Variants in FHL5 observed in about 807,000 individuals in gnomAD.
FHL5 encodes four and a half LIM domains protein 5.
In FHL5, 33 loss-of-function variants were observed where a neutral mutation model predicts 32.0. The ratio of observed to expected loss-of-function variants is 1.03; its 90% CI spans 0.78 to 1.38. The LOEUF is 1.38. FHL5 is among the 40% of genes most tolerant of loss of function. The pLI, the probability that FHL5 is intolerant of heterozygous loss-of-function variation, is 0.00. For missense variants in FHL5, 336 were observed against 343.9 expected, an observed-to-expected ratio of 0.98 and a Z score of 0.18; for synonymous variants, 114 against 113.6, an observed-to-expected ratio of 1.00 and a Z score of -0.02.
chr6:96,594,101 C>A (rs765593223), intron 1 of FHL5, among the ~76,000 whole-genome samples: 37 of 150,598 alleles, frequency 2.5e-4, no homozygotes, highest in Non-Finnish European at 4.9e-4. Context: ...TAAACATAAG[C>A]CCCCACAGGG....
intron 1 of FHL5, among the ~76,000 whole-genome samples, chr6:96,588,101 T>C (rs1156789625): frequency 1.3e-5 from 2 of 152,254 alleles, no homozygotes; most frequent in East Asian, 1.9e-4. Flanking sequence ...TTGAGTCACA[T>C]GAAAGGTATA....
chr6:96,570,145 T>G (rs1770445106), intron 1 of FHL5, among the ~76,000 whole-genome samples: 1 of 152,054 alleles, frequency 6.6e-6, no homozygotes, highest in Non-Finnish European at 1.5e-5. Context: ...CACTTAAGCA[T>G]TTCTGGTAAG....
intron 1 of FHL5, among the ~76,000 whole-genome samples, chr6:96,595,594 C>T (rs1251814493): frequency 6.6e-6 from 1 of 151,776 alleles, no homozygotes; most frequent in African/African-American, 2.4e-5. Context: ...ACTCTATCTT[C>T]TACTTTCTTT....
At chr6:96,590,988 A>G (rs758646643) in intron 1 of FHL5, among the ~76,000 whole-genome samples, 8 of 151,976 alleles carry the variant, frequency 5.3e-5, no homozygotes, top group Non-Finnish European at 1.0e-4. Context: ...GTTGCTTGTT[A>G]TTTGGGTTTG....
intron 1 of FHL5, among the ~76,000 whole-genome samples, chr6:96,593,950 A>G (rs1475799366): frequency 6.6e-6 from 1 of 151,956 alleles, no homozygotes; most frequent in East Asian, 1.9e-4. Context: ...ATTTTGGGGA[A>G]AAATTATTTC....
intron 4 of FHL5, among the ~76,000 whole-genome samples, chr6:96,607,170 T>C (rs1211291239): frequency 6.6e-6 from 1 of 152,164 alleles, no homozygotes; most frequent in African/African-American, 2.4e-5. Flanking sequence ...CCATAAAATA[T>C]ATATGGAGGT....
intron 1 of FHL5, among the ~76,000 whole-genome samples, chr6:96,588,910 C>T (rs1770857598): frequency 6.6e-6 from 1 of 151,332 alleles, no homozygotes; most frequent in Non-Finnish European, 1.5e-5. Flanking sequence ...TTTTCATTTA[C>T]AGTTTGTGTT....
At chr6:96,591,949 G>A (rs1278453769) in intron 1 of FHL5, among the ~76,000 whole-genome samples, 4 of 152,072 alleles carry the variant, frequency 2.6e-5, no homozygotes, top group Non-Finnish European at 5.9e-5. Context: ...TACGAATAGG[G>A]TGTGGGTCAC....
chr6:96,584,452 TG>T (rs1718681266), intron 1 of FHL5, among the ~76,000 whole-genome samples: 1 of 148,264 alleles, frequency 6.7e-6, no homozygotes, highest in Non-Finnish European at 1.5e-5. Flanking sequence ...TGTGTGTGTG[TG>T]TGTGTGTTTG....
chr6:96,597,129 C>T (rs1175129822), intron 1 of FHL5, among the ~76,000 whole-genome samples: 1 of 152,078 alleles, frequency 6.6e-6, no homozygotes, highest in Non-Finnish European at 1.5e-5. Context: ...AATTCCAAGA[C>T]TTCATACATG....
At chr6:96,571,599 C>T (rs117326818) in intron 1 of FHL5, among the ~76,000 whole-genome samples, 3,330 of 152,174 alleles carry the variant, frequency 0.022, 49 homozygotes, top group Non-Finnish European at 0.03. Flanking sequence ...ATGTAGGTTA[C>T]CCATAGAGCC....
At chr6:96,569,834 T>C (rs1770438356) in intron 1 of FHL5, among the ~76,000 whole-genome samples, 1 of 136,864 alleles carries the variant, frequency 7.3e-6, no homozygotes, top group Non-Finnish European at 1.7e-5. Flanking sequence ...GGTCTTTTTT[T>C]TTTTTAATTC....
chr6:96,596,787 G>T (rs1331382383), intron 1 of FHL5, among the ~76,000 whole-genome samples: 3 of 151,866 alleles, frequency 2.0e-5, no homozygotes, highest in Non-Finnish European at 2.9e-5. Flanking sequence ...CAGCTTGATG[G>T]CTATCTAGTT....
intron 1 of FHL5, among the ~76,000 whole-genome samples, chr6:96,589,322 T>G (rs1770867276): frequency 1.3e-5 from 2 of 152,150 alleles, no homozygotes; most frequent in Admixed American, 1.3e-4. Context: ...AAGTACAATT[T>G]CCATTGCTTT....
chr6:96,606,219 T>C (rs1771275443), intron 4 of FHL5, 148 bp downstream of exon 4: 3 of 565,064 alleles, frequency 5.3e-6, no homozygotes, highest in Non-Finnish European at 9.0e-6. Flanking sequence ...TCCAAACCAC[T>C]AGTTGTCACG....
chr6:96,568,708 G>T (rs1770412897), intron 1 of FHL5, among the ~76,000 whole-genome samples: 1 of 151,734 alleles, frequency 6.6e-6, no homozygotes. Context: ...TTTGTGTCCA[G>T]GAATTTACCT....
At chr6:96,589,479 C>A (rs991021373) in intron 1 of FHL5, among the ~76,000 whole-genome samples, 1 of 152,024 alleles carries the variant, frequency 6.6e-6, no homozygotes, top group African/African-American at 2.4e-5. Context: ...TATTAGCCAG[C>A]TGGTTATCCT....
At chr6:96,588,789 C>A (rs566025559) in intron 1 of FHL5, among the ~76,000 whole-genome samples, 1 of 151,912 alleles carries the variant, frequency 6.6e-6, no homozygotes, top group Non-Finnish European at 1.5e-5. Flanking sequence ...TTTTCTAACT[C>A]TCTTTCAGTT....
rs3860230 is a variant in FHL5, at chr6:96,588,684, T to C, written c.-12-14918T>C. Among the ~76,000 whole-genome samples, 9 of 151,942 alleles carry C rather than the reference T, an allele frequency of 5.9e-5. No homozygotes were observed. The South Asian group carries it at 1.2e-3, about 21-fold the overall frequency. On this transcript the variant is annotated intron_variant, in intron 1 of 5. Coordinates refer to ENST00000450218, the MANE Select transcript of FHL5 (RefSeq NM_001322466.2). ...GTTACAAAAGAAAATATTTGCTTAT[T>C]ATGAGTGAATTAAAAACAAGCTAAT...
Sources: allele counts gnomAD v4.1 joint callset (sites outside exome capture counted in the v4.1 genomes callset), GRCh38; gene constraint gnomAD v4.1.1; transcripts MANE v1.5; gene names NCBI Gene and HGNC (gene_info 2026-07-23, HGNC 2026-07-21).